The following HDAC1 variants were observed in gnomAD, a reference collection of about 807,000 sequenced individuals.
The protein encoded by HDAC1 is protein deacetylase HDAC1.
In HDAC1, 18 loss-of-function variants were observed where a neutral mutation model predicts 65.5. The ratio of observed to expected loss-of-function variants is 0.27; its 90% CI spans 0.19 to 0.41. The LOEUF (loss-of-function observed/expected upper bound fraction) is 0.41, where lower values mean the gene tolerates loss of function less well. Among genes scored for constraint, HDAC1 ranks in the 10% least tolerant of loss-of-function variants. HDAC1 has a pLI of 1.00. For synonymous variants in HDAC1, 211 were observed against 227.9 expected (o/e 0.93, Z 0.67); for missense variants, 373 against 625.2 (o/e 0.60, Z 4.30).
At chr1:32,309,076 C>T (rs1053770857) in intron 2 of HDAC1, among the ~76,000 whole-genome samples, 2 of 151,888 alleles carry the variant, frequency 1.3e-5, no homozygotes, top group African/African-American at 2.4e-5. Context: ...CCTCCCAAAG[C>T]GTTAGGATTA....
intron 2 of HDAC1, among the ~76,000 whole-genome samples, chr1:32,306,085 T>A (rs1640906325): frequency 1.3e-5 from 2 of 152,184 alleles, no homozygotes; most frequent in African/African-American, 4.8e-5. Flanking sequence ...TACAGTAGCT[T>A]TATATTATAG....
chr1:32,327,515 CT>C lies in HDAC1; in HGVS notation c.495-20del, dbSNP rs1410102945. The C allele has an allele frequency of 2.5e-6, 4 of 1,607,382 alleles. No individual in the cohort carries two copies. The African/African-American group carries it at 5.3e-5, about 21-fold the overall frequency. On this transcript the variant is annotated intron_variant, in intron 5 of 13. Coordinates refer to ENST00000373548, the MANE Select transcript of HDAC1 (RefSeq NM_004964.3). The surrounding 1 kb of genome is among the most constrained non-coding windows in gnomAD (Gnocchi z 6.0). ...CCATCCCCAAAGAGCCCCCAGACCC[CT>C]GACCCCCTTCTGATCCTAGGTATCA... is the stretch of plus-strand genomic sequence containing the variant.
Position 32,327,136 on chromosome 1 carries a change from T to G in HDAC1, c.494+59T>G. 1 of 1,578,474 alleles carries G rather than the reference T, an allele frequency of 6.3e-7. No homozygotes were observed. The highest frequency in any genetic ancestry group is 8.7e-7 in the Non-Finnish European group (1 of 1,153,262). On this transcript the variant is annotated intron_variant, in intron 5 of 13. Transcript: ENST00000373548. The surrounding 1 kb of genome is among the most constrained non-coding windows in gnomAD (Gnocchi z 6.0). The stretch of plus-strand genomic sequence containing the variant: ...ACCTTAGGCCAGGTTCCCATTTCCC[T>G]CTTCCCCTGGGCTTGCCTCCCTAGT...
intron 1 of HDAC1, among the ~76,000 whole-genome samples, chr1:32,297,499 C>A (rs1308651915): frequency 3.9e-5 from 6 of 152,106 alleles, no homozygotes; most frequent in African/African-American, 1.4e-4. Context: ...GTGGAGCCTG[C>A]AGTGACCCAT....
chr1:32,292,757 C>G lies in HDAC1; in HGVS notation c.49+539C>G, dbSNP rs140926658. 2.6e-5 allele frequency among the ~76,000 whole-genome samples: 4 copies of G among 152,096 alleles called. No homozygotes were observed. In the East Asian group the frequency reaches 7.8e-4, roughly 30 times the overall value. On this transcript the variant is annotated intron_variant, in intron 1 of 13. Transcript: ENST00000373548. Reference sequence around the variant, plus strand: ...TTAAAACAGACTTCTCACTTAATCTCTCAAGCAGGTTACTGTGTTCGAGGA... The same window carrying G: ...TTAAAACAGACTTCTCACTTAATCTGTCAAGCAGGTTACTGTGTTCGAGGA...
intron 3 of HDAC1, among the ~76,000 whole-genome samples, chr1:32,320,755 C>T (rs919827378): frequency 1.3e-4 from 20 of 151,598 alleles, no homozygotes; most frequent in African/African-American, 4.6e-4. Context: ...CAAAAATTAG[C>T]CATGTGTGGT....
chr1:32,327,334 GT>G lies in HDAC1; in HGVS notation c.495-201del. 1.6e-6 allele frequency: 1 copy of G among 622,670 alleles called. No homozygotes were observed. Among genetic ancestry groups the G allele is most frequent in the South Asian group, 1.9e-5 (1 of 52,074 alleles). The allele number at this position is 622,670 out of a possible 1,614,324, so 38.6% of individuals were successfully genotyped here. On this transcript the variant is annotated intron_variant, in intron 5 of 13. Transcript: ENST00000373548. The surrounding 1 kb of genome is among the most constrained non-coding windows in gnomAD (Gnocchi z 6.0). ...GGCTGGAGTTGACCCTGGCTGTAGA[GT>G]AGGAAGATCGGACTTGGTCGGCTTG...
intron 2 of HDAC1, among the ~76,000 whole-genome samples, chr1:32,312,484 C>T (rs974193085): frequency 2.0e-5 from 3 of 151,236 alleles, no homozygotes; most frequent in African/African-American, 7.3e-5. Context: ...CTCAGCCTCC[C>T]GAGTAGCTGG....
At chr1:32,309,371 TTC>T (rs137943991) in intron 2 of HDAC1, among the ~76,000 whole-genome samples, 26 of 151,336 alleles carry the variant, frequency 1.7e-4, no homozygotes, top group African/African-American at 7.2e-5. Context: ...TTTCTTCTCT[TTC>T]TCTCTCTCTC....
At chr1:32,317,218 G>A (rs528702731) in intron 3 of HDAC1, among the ~76,000 whole-genome samples, 63 of 152,264 alleles carry the variant, frequency 4.1e-4, no homozygotes, top group African/African-American at 1.5e-3. Context: ...TGAGAATTTA[G>A]AGGCCACTCA....
At chr1:32,320,012 C>CGA (rs1641118151) in intron 3 of HDAC1, among the ~76,000 whole-genome samples, 4 of 151,734 alleles carry the variant, frequency 2.6e-5, no homozygotes, top group Admixed American at 2.6e-4. Flanking sequence ...GTCAGTACAT[C>CGA]GAGACACCAT....
intron 2 of HDAC1, among the ~76,000 whole-genome samples, chr1:32,315,990 A>G (rs1052442089): frequency 1.3e-4 from 19 of 149,710 alleles, no homozygotes; most frequent in South Asian, 1.1e-3. Context: ...ACAAAAAAAA[A>G]CGAAAAAAAA....
chr1:32,308,341 G>C (rs569815926), intron 2 of HDAC1, among the ~76,000 whole-genome samples: 3 of 152,158 alleles, frequency 2.0e-5, no homozygotes, highest in Admixed American at 2.0e-4. Context: ...TATTTACTTC[G>C]TCAACAGGGT....
Position 32,326,977 on chromosome 1 carries a change from G to T in HDAC1, c.394G>T (p.Ala132Ser). The change falls in exon 5 of 14, where the codon GCT becomes TCT. Residue 132 changes from alanine to serine, a missense_variant. Physicochemically the swap from Ala to Ser is moderately conservative, Grantham distance 99. Around this residue, in one of 4 missense-constraint regions of HDAC1, gnomAD observed 62 missense variants for 180.0 expected, o/e 0.34. Transcript: ENST00000373548. ...VKLNKQQTDI[A>S]VNWAGGLHHA... is the part of the protein sequence containing the mutation. The stretch of plus-strand genomic sequence containing the variant: ...ACTTAATAAGCAGCAGACGGACATC[G>T]CTGTGAATTGGGCTGGGGGCCTGCA... 1 of 1,614,032 alleles carries T rather than the reference G, an allele frequency of 6.2e-7. No homozygotes were observed. The highest frequency in any genetic ancestry group is 1.7e-5 in the Admixed American group (1 of 60,008).
chr1:32,328,655 C>G (rs1423726684), intron 6 of HDAC1, among the ~76,000 whole-genome samples: 1 of 152,142 alleles, frequency 6.6e-6, no homozygotes, highest in East Asian at 1.9e-4. Context: ...CTCCTTCCCT[C>G]CACAACACCC....
In HDAC1 at chr1:32,329,391, T is replaced by C; in HGVS notation, c.729+231T>C. 1 of 593,262 alleles carries C rather than the reference T, an allele frequency of 1.7e-6. No homozygotes were observed. Among genetic ancestry groups the C allele is most frequent in the Non-Finnish European group, 3.0e-6 (1 of 332,188 alleles). 36.7% of individuals were successfully genotyped at this position (593,262 alleles called of 1,614,324 possible). A position where few individuals can be genotyped will look rare whatever the true frequency, so the allele number is the denominator to read the frequency against. On this transcript the variant is annotated intron_variant, in intron 7 of 13. Transcript: ENST00000373548. This position sits in a 1 kb window ranked among gnomAD's most constrained non-coding sequence, Gnocchi z 4.1. Reference sequence around the variant, plus strand: ...GCTGGATACAAAAATATCTAAGACATGATCTTTGCCCTCACGGACTATGGT... The same window carrying C: ...GCTGGATACAAAAATATCTAAGACACGATCTTTGCCCTCACGGACTATGGT...
intron 1 of HDAC1, among the ~76,000 whole-genome samples, chr1:32,298,088 CTTTTT>C (rs1162166409): frequency 8.8e-6 from 1 of 113,620 alleles, no homozygotes; most frequent in Non-Finnish European, 1.8e-5. Flanking sequence ...CGCGCCCGGC[CTTTTT>C]TTTTTTTTTT....
intron 1 of HDAC1, among the ~76,000 whole-genome samples, chr1:32,294,614 A>C (rs1311384083): frequency 6.9e-6 from 1 of 145,892 alleles, no homozygotes; most frequent in African/African-American, 2.6e-5. Flanking sequence ...TCCCGGGTCC[A>C]TGCCATTCTC....
At chr1:32,301,290 CA>C (rs1409602796) in intron 1 of HDAC1, among the ~76,000 whole-genome samples, 1 of 151,494 alleles carries the variant, frequency 6.6e-6, no homozygotes, top group African/African-American at 2.4e-5. Flanking sequence ...ACTAAAAATA[CA>C]AAAAATTAGC....
Sources: gnomAD v4.1 joint callset for allele counts (sites outside exome capture counted in the v4.1 genomes callset) on GRCh38, gnomAD v4.1.1 for gene constraint, gnomAD v4.1.1 regional missense constraint, Gnocchi (gnomAD v3.1) non-coding constraint, MANE v1.5 for transcripts, NCBI Gene and HGNC (gene_info 2026-07-23, HGNC 2026-07-21) for gene names.